The following RGSL1 variants were observed in gnomAD, a reference collection of about 807,000 sequenced individuals.
The protein encoded by RGSL1 is regulator of G protein signaling protein-like.
Under a neutral mutation model 124.7 loss-of-function variants are expected in RGSL1, and 97 were observed. The observed-to-expected ratio is 0.78, with a 90% CI of 0.66 to 0.92. The LOEUF is 0.92. Ranked by LOEUF, RGSL1 falls within the 40% of genes least tolerant of loss-of-function variation. The probability of loss-of-function intolerance (pLI) is 0.00; values close to 1 mark genes in which losing one functional copy is unlikely to be tolerated. For synonymous variants in RGSL1, 424 were observed against 438.1 expected, an observed-to-expected ratio of 0.97 and a Z score of 0.40; for missense variants, 1,233 against 1,288.4, an observed-to-expected ratio of 0.96 and a Z score of 0.66.
In RGSL1 at chr1:182,453,877, T is replaced by C. The variant is rs10494550; in HGVS notation, c.14-81T>C. 9.3e-3 allele frequency: 6,962 copies of C among 744,796 alleles called. 352 individuals are homozygous for C. In the African/African-American group the frequency reaches 0.11, roughly 12 times the overall value. 46.1% of individuals were successfully genotyped at this position (744,796 alleles called of 1,614,324 possible). On this transcript the variant is annotated intron_variant, in intron 1 of 21. Coordinates refer to ENST00000294854, the MANE Select transcript of RGSL1 (RefSeq NM_001137669.2). Reference sequence around the variant, plus strand: ...GCTGAGATTTGGCAACGTGAAATGATCCATTCGATTGCTTCATTTTCTGAA... The same window carrying C: ...GCTGAGATTTGGCAACGTGAAATGACCCATTCGATTGCTTCATTTTCTGAA...
intron 4 of RGSL1, among the ~76,000 whole-genome samples, chr1:182,462,326 T>G (rs1652911015): frequency 6.6e-6 from 1 of 152,120 alleles, no homozygotes; most frequent in Non-Finnish European, 1.5e-5. Flanking sequence ...TTGAGGGAGC[T>G]TTCCCGCAAG....
Position 182,493,148 on chromosome 1 carries a change from G to T in RGSL1, c.1825+19G>T. 6.8e-7 allele frequency: 1 copy of T among 1,462,046 alleles called. No homozygotes were observed. Among genetic ancestry groups the T allele is most frequent in the South Asian group, 1.2e-5 (1 of 81,830 alleles). 90.6% of individuals were successfully genotyped at this position (1,462,046 alleles called of 1,614,324 possible). ...AAAATAGGCAAGTGTTTAAAATCAGGGATAGACGAGGCAACTAGGTTTTTT... is the reference window on the plus strand; with the variant it reads ...AAAATAGGCAAGTGTTTAAAATCAGTGATAGACGAGGCAACTAGGTTTTTT... On this transcript the variant is annotated intron_variant, in intron 9 of 21. Coordinates refer to ENST00000294854, the MANE Select transcript of RGSL1 (RefSeq NM_001137669.2).
chr1:182,481,122 TGGAGAA>T (rs1421591897), intron 6 of RGSL1, among the ~76,000 whole-genome samples: 1 of 151,816 alleles, frequency 6.6e-6, no homozygotes, highest in Non-Finnish European at 1.5e-5. Context: ...ATAAATGAAA[TGGAGAA>T]TAGAAAATCA....
At chr1:182,483,931 C>T (rs746811394) in intron 6 of RGSL1, among the ~76,000 whole-genome samples, 1 of 152,016 alleles carries the variant, frequency 6.6e-6, no homozygotes, top group Non-Finnish European at 1.5e-5. Context: ...TCTGGAGGTT[C>T]GGGCCCACAG....
intron 9 of RGSL1, among the ~76,000 whole-genome samples, chr1:182,501,114 G>GTT (rs1166576200): frequency 6.6e-6 from 1 of 151,962 alleles, no homozygotes; most frequent in African/African-American, 2.4e-5. Context: ...TGACTATAAT[G>GTT]TTTCCTGTGA....
At chr1:182,463,750 C>T (rs778016874) in intron 4 of RGSL1, among the ~76,000 whole-genome samples, 2 of 152,076 alleles carry the variant, frequency 1.3e-5, no homozygotes, top group African/African-American at 2.4e-5. Flanking sequence ...AGAAAATAGA[C>T]AATCCTAAAA....
intron 9 of RGSL1, among the ~76,000 whole-genome samples, chr1:182,495,683 G>A (rs1450249370): frequency 2.6e-5 from 4 of 152,158 alleles, no homozygotes; most frequent in Non-Finnish European, 5.9e-5. Context: ...GGCTTCAGCT[G>A]TTTATTTTCA....
chr1:182,502,277 C>G (rs1458998306), intron 9 of RGSL1, among the ~76,000 whole-genome samples: 1 of 152,038 alleles, frequency 6.6e-6, no homozygotes, highest in African/African-American at 2.4e-5. Context: ...TTCCTTTCTT[C>G]TACTGGTTTT....
At chr1:182,543,903 A>G (rs1010675105) in intron 15 of RGSL1, among the ~76,000 whole-genome samples, 3 of 151,916 alleles carry the variant, frequency 2.0e-5, no homozygotes, top group African/African-American at 7.2e-5. Flanking sequence ...CTCTGCCTTT[A>G]TCAGTCTAGC....
intron 9 of RGSL1, among the ~76,000 whole-genome samples, chr1:182,498,497 G>T (rs1370662725): frequency 6.6e-6 from 1 of 152,210 alleles, no homozygotes; most frequent in Non-Finnish European, 1.5e-5. Context: ...TAAAGAATGT[G>T]TGTGTCCCAG....
At chr1:182,450,008 A>C, upstream of RGSL1, 1 of 781,660 alleles carries the variant, frequency 1.3e-6, no homozygotes. Flanking sequence ...ACTTATCTTC[A>C]GATTAAGGCC....
intron 9 of RGSL1, among the ~76,000 whole-genome samples, chr1:182,495,809 G>A (rs934225344): frequency 2.0e-5 from 3 of 152,158 alleles, no homozygotes; most frequent in Non-Finnish European, 4.4e-5. Flanking sequence ...CAGTGCCACA[G>A]TGGTAATGAC....
At position 182,488,324 on chromosome 1, in the gene RGSL1, G is replaced by A; in HGVS notation, c.1471G>A (p.Asp491Asn). 1 of 1,552,350 alleles carries A rather than the reference G, an allele frequency of 6.4e-7. No individual in the cohort carries two copies. The highest frequency in any genetic ancestry group is 8.7e-7 in the Non-Finnish European group (1 of 1,147,138). ...PWYDEFLDEE[D>N]YWFLLFTTQN... is the part of the protein sequence containing the mutation. Reference sequence around the variant, plus strand: ...GTATGATGAGTTTCTAGATGAAGAGGACTACTGGTTTCTCCTTTTTACGGT... The same window carrying A: ...GTATGATGAGTTTCTAGATGAAGAGAACTACTGGTTTCTCCTTTTTACGGT... The change falls in exon 7 of 22, where the codon GAC becomes AAC. Residue 491 changes from aspartate to asparagine, a missense_variant. Asp to Asn is a conservative substitution (Grantham distance 23, BLOSUM62 1). Transcript: ENST00000294854.
At chr1:182,548,924 C>A in intron 17 of RGSL1, 100 bp downstream of exon 17, 1 of 1,424,356 alleles carries the variant, frequency 7.0e-7, no homozygotes. Flanking sequence ...TCGTAGTTTC[C>A]AGTTTCTAGG....
chr1:182,490,271 G>A (rs1300153721), intron 8 of RGSL1, among the ~76,000 whole-genome samples: 1 of 152,126 alleles, frequency 6.6e-6, no homozygotes, highest in Non-Finnish European at 1.5e-5. Flanking sequence ...GTGAGCTTGG[G>A]CAAGTTACTC....
At chr1:182,527,161 T>C (rs1221054987) in intron 10 of RGSL1, among the ~76,000 whole-genome samples, 1 of 152,048 alleles carries the variant, frequency 6.6e-6, no homozygotes, top group Non-Finnish European at 1.5e-5. Flanking sequence ...GATGAAACAT[T>C]AGGGGCACCT....
intron 15 of RGSL1, among the ~76,000 whole-genome samples, chr1:182,546,188 G>T (rs1386327125): frequency 6.7e-6 from 1 of 148,262 alleles, no homozygotes; most frequent in Non-Finnish European, 1.5e-5. Flanking sequence ...CTATTTGTTT[G>T]TTTTGAGTTT....
At position 182,488,968 on chromosome 1, in the gene RGSL1, C is replaced by A; in HGVS notation, c.1495-12C>A. 1 of 1,547,386 alleles carries A rather than the reference C, an allele frequency of 6.5e-7. No individual in the cohort carries two copies. Reference sequence around the variant, plus strand: ...TAACAAATGCCATCTTCCCCTCACCCTCTTCTCTTAGACACAGAACAGGTT... The same window carrying A: ...TAACAAATGCCATCTTCCCCTCACCATCTTCTCTTAGACACAGAACAGGTT... On this transcript the variant is annotated splice_polypyrimidine_tract_variant and intron_variant, in intron 7 of 21. Coordinates refer to ENST00000294854, the MANE Select transcript of RGSL1 (RefSeq NM_001137669.2).
At position 182,463,359 on chromosome 1, in the gene RGSL1, C is replaced by A. The variant is rs184569612; in HGVS notation, c.301+3226C>A. On this transcript the variant is annotated intron_variant, in intron 4 of 21. Transcript: ENST00000294854. ...TGGATTAAACTTTCCAATAAAAAGA[C>A]AGAGATTGGCAGAATAAATTTTAAA... Among the ~76,000 whole-genome samples the A allele has an allele frequency of 5.1e-4, 74 of 146,394 alleles. 1 individual carries two copies. The highest frequency in any genetic ancestry group is 4.3e-3 in the Admixed American group (63 of 14,782).
Sources: gnomAD v4.1 joint callset for allele counts (sites outside exome capture counted in the v4.1 genomes callset) on GRCh38, gnomAD v4.1.1 for gene constraint, MANE v1.5 for transcripts, NCBI Gene and HGNC (gene_info 2026-07-23, HGNC 2026-07-21) for gene names.